CACNA1E: variants seen among roughly 807,000 people sequenced by gnomAD.
The protein encoded by CACNA1E is voltage-dependent R-type calcium channel subunit alpha-1E.
Under a neutral mutation model 259.2 loss-of-function variants are expected in CACNA1E, and 40 were observed. The observed-to-expected ratio is 0.15, with a 90% CI of 0.12 to 0.20. The LOEUF (loss-of-function observed/expected upper bound fraction) is 0.20. Among genes scored for constraint, CACNA1E ranks in the 10% least tolerant of loss-of-function variants. The pLI is 1.00. For missense variants in CACNA1E, 1,874 were observed against 3,040.1 expected (o/e 0.62, Z 9.02); for synonymous variants, 1,104 against 1,138.5 (o/e 0.97, Z 0.61).
intron 3 of CACNA1E, among the ~76,000 whole-genome samples, chr1:181,569,028 T>C (rs1650133573): frequency 6.6e-6 from 1 of 152,260 alleles, no homozygotes. Flanking sequence ...TGCAGGCCTT[T>C]TTCTGCATCT....
At chr1:181,441,137 G>C (rs1438181321) in intron 2 of CACNA1E, among the ~76,000 whole-genome samples, 1 of 151,936 alleles carries the variant, frequency 6.6e-6, no homozygotes, top group African/African-American at 2.4e-5. Flanking sequence ...TCTTTAATCG[G>C]CTAAGTTAAC....
intron 7 of CACNA1E, among the ~76,000 whole-genome samples, chr1:181,701,446 C>T (rs1014645873): frequency 1.6e-4 from 25 of 152,172 alleles, no homozygotes; most frequent in Non-Finnish European, 3.4e-4. Context: ...CTTCCTGCAC[C>T]ACGGGGCTTT....
In CACNA1E at chr1:181,483,661, T is replaced by C; in HGVS notation, c.-84T>C. On this transcript the variant is annotated 5_prime_UTR_variant, in exon 1 of 48. Coordinates refer to ENST00000367573, the MANE Select transcript of CACNA1E (RefSeq NM_001205293.3). ...GCTTGTCTGGATGCGGCTCTGAGTC[T>C]CCGTGTGTCTTTCTGCTTGTTGCTG... is the stretch of plus-strand genomic sequence containing the variant. The C allele has an allele frequency of 2.1e-6, 2 of 939,146 alleles. No homozygotes were observed. Among genetic ancestry groups the C allele is most frequent in the Non-Finnish European group, 3.1e-6 (2 of 651,806 alleles). The allele number at this position is 939,146 out of a possible 1,614,324, so 58.2% of individuals were successfully genotyped here.
At chr1:181,767,221 C>G (rs1056487096) in intron 35 of CACNA1E, among the ~76,000 whole-genome samples, 43 of 152,140 alleles carry the variant, frequency 2.8e-4, no homozygotes, top group African/African-American at 1.0e-3. Context: ...ACTTCCTGGA[C>G]AGTTCCCTTG....
At chr1:181,670,261 C>T (rs1015837979) in intron 7 of CACNA1E, among the ~76,000 whole-genome samples, 1 of 152,100 alleles carries the variant, frequency 6.6e-6, no homozygotes, top group African/African-American at 2.4e-5. Flanking sequence ...CCCAATTTCC[C>T]CGGCTGATAA....
intron 1 of CACNA1E, among the ~76,000 whole-genome samples, chr1:181,403,974 G>C (rs1331008508): frequency 1.3e-5 from 2 of 152,186 alleles, no homozygotes; most frequent in African/African-American, 2.4e-5. Flanking sequence ...GCAGAGAGGG[G>C]CCACTTCTTT....
chr1:181,510,310 A>C (rs1666058478), intron 1 of CACNA1E, among the ~76,000 whole-genome samples, 167 bp from the exon 2 acceptor site: 1 of 152,196 alleles, frequency 6.6e-6, no homozygotes, highest in Non-Finnish European at 1.5e-5. Context: ...CCAAAAGTGG[A>C]TGCTAAGGAC....
At chr1:181,497,691 C>T (rs1488441027) in intron 1 of CACNA1E, among the ~76,000 whole-genome samples, 1 of 152,172 alleles carries the variant, frequency 6.6e-6, no homozygotes, top group Non-Finnish European at 1.5e-5. Context: ...GCTCTCTTTC[C>T]ATTGTTTCAT....
intron 1 of CACNA1E, among the ~76,000 whole-genome samples, chr1:181,366,738 G>A (rs1442812074): frequency 6.6e-6 from 1 of 152,144 alleles, no homozygotes; most frequent in African/African-American, 2.4e-5. Flanking sequence ...CCTGAGACCT[G>A]CCTCACAAAA....
chr1:181,440,227 T>C (rs1313462748), intron 2 of CACNA1E, among the ~76,000 whole-genome samples: 1 of 152,040 alleles, frequency 6.6e-6, no homozygotes, highest in Admixed American at 6.5e-5. Flanking sequence ...TGTCGTATGC[T>C]TCCATAGAAG....
intron 2 of CACNA1E, among the ~76,000 whole-genome samples, chr1:181,415,708 T>A (rs771102190): frequency 2.0e-5 from 3 of 151,296 alleles, no homozygotes; most frequent in Non-Finnish European, 4.4e-5. Context: ...CCAGTTGGAG[T>A]GGGTTGAAAA....
intron 7 of CACNA1E, among the ~76,000 whole-genome samples, chr1:181,706,379 G>T (rs181051076): frequency 6.6e-6 from 1 of 152,086 alleles, no homozygotes; most frequent in Non-Finnish European, 1.5e-5. Flanking sequence ...GCTTTGTTTC[G>T]CAGGTCTGGC....
intron 25 of CACNA1E, chr1:181,745,457 G>A (rs1572775250): frequency 2.6e-5 from 10 of 382,624 alleles, no homozygotes; most frequent in Middle Eastern, 4.0e-4. Context: ...CCATCCACAC[G>A]GTAACCAACA....
intron 18 of CACNA1E, among the ~76,000 whole-genome samples, chr1:181,728,904 T>C (rs1655183182): frequency 5.1e-5 from 6 of 117,424 alleles, no homozygotes; most frequent in Admixed American, 4.1e-4. Flanking sequence ...CAGCTGTGTG[T>C]GCCCTGCACA....
Position 181,717,147 on chromosome 1 carries a change from A to G in CACNA1E, c.1370A>G (p.Tyr457Cys). The G allele has an allele frequency of 6.2e-7, 1 of 1,614,004 alleles. No individual in the cohort carries two copies. Among genetic ancestry groups the G allele is most frequent in the Non-Finnish European group, 8.5e-7 (1 of 1,179,886 alleles). Residue 457 changes from tyrosine to cysteine, a missense_variant, in exon 11 of 48, where the codon TAT (tyrosine) becomes TGT (cysteine). Coordinates refer to ENST00000367573, the MANE Select transcript of CACNA1E (RefSeq NM_001205293.3). ...IKSAKVDGVS[Y>C]FRHKERLLRI... ...AGTGCAAAGGTAGACGGGGTCTCTT[A>G]TTTCCGGCACAAGGAAAGGCTTCTG...
At chr1:181,590,847 A>G (rs952946437) in intron 6 of CACNA1E, among the ~76,000 whole-genome samples, 39 of 145,676 alleles carry the variant, frequency 2.7e-4, no homozygotes, top group African/African-American at 9.9e-4. Context: ...GTATCTGTGG[A>G]TGGGCTTTGA....
At position 181,738,001 on chromosome 1, in the gene CACNA1E, T is replaced by A. The variant is rs796471278; in HGVS notation, c.3552+347T>A. On this transcript the variant is annotated intron_variant, in intron 23 of 47. Coordinates refer to ENST00000367573, the MANE Select transcript of CACNA1E (RefSeq NM_001205293.3). ...AAGGCCTCTCCTGGGGTCCCACGGGTATGTGTCAGGAGACATGAGGGACGC... is the reference window on the plus strand; with the variant it reads ...AAGGCCTCTCCTGGGGTCCCACGGGAATGTGTCAGGAGACATGAGGGACGC... Among the ~76,000 whole-genome samples the A allele has an allele frequency of 2.2e-4, 34 of 152,172 alleles. 1 individual carries two copies. Among genetic ancestry groups the A allele is most frequent in the African/African-American group, 8.0e-4 (33 of 41,508 alleles).
intron 19 of CACNA1E, 57 bp downstream of exon 19, chr1:181,731,288 G>A (rs1023034670): frequency 2.2e-6 from 3 of 1,378,106 alleles, no homozygotes; most frequent in Admixed American, 1.7e-5. Flanking sequence ...GTGGGACAAT[G>A]TGTCATTGTC....
chr1:181,416,550 T>A (rs1370973396), intron 2 of CACNA1E, among the ~76,000 whole-genome samples: 5 of 152,138 alleles, frequency 3.3e-5, no homozygotes. Context: ...ATCAGCAAAG[T>A]CCTGTTCATC....
Sources: allele counts gnomAD v4.1 joint callset (sites outside exome capture counted in the v4.1 genomes callset), GRCh38; gene constraint gnomAD v4.1.1; transcripts MANE v1.5; gene names NCBI Gene and HGNC (gene_info 2026-07-23, HGNC 2026-07-21).